PTCD1: variants seen among roughly 807,000 people sequenced by gnomAD.
PTCD1 encodes pentatricopeptide repeat-containing protein 1, mitochondrial.
Under a neutral mutation model 53.4 loss-of-function variants are expected in PTCD1, and 50 were observed. That is an observed-to-expected ratio of 0.94 (90% CI 0.75 to 1.19). The LOEUF (loss-of-function observed/expected upper bound fraction) is 1.19, where lower values mean the gene tolerates loss of function less well. Ranked by LOEUF, PTCD1 falls within the 50% of genes most tolerant of loss-of-function variation. PTCD1 has a pLI of 0.00. For synonymous variants in PTCD1, 413 were observed against 394.8 expected (o/e 1.05, Z -0.55); for missense variants, 918 against 904.8 (o/e 1.01, Z -0.19).
chr7:99,425,488 C>G lies in PTCD1; in HGVS notation c.1044G>C (p.Arg348Ser), dbSNP rs367645652. Residue 348 changes from arginine to serine, a missense_variant, in exon 6 of 8, where the codon AGG becomes AGC. Transcript: ENST00000292478. The stretch of plus-strand genomic sequence containing the variant: ...GGGGCTGAAGCACAGTCGCCTCCTC[C>G]CTGGGCTTCAGAAGCAGCTCTGAGG... The part of the protein sequence containing the change: ...QVASELLLKP[R>S]EEATVLQPPV... 6.8e-6 allele frequency: 11 copies of G among 1,612,776 alleles called. No individual in the cohort carries two copies. The East Asian group carries it at 2.5e-4, about 36-fold the overall frequency.
intron 6 of PTCD1, among the ~76,000 whole-genome samples, chr7:99,424,261 C>T (rs938112212): frequency 3.9e-5 from 6 of 152,178 alleles, no homozygotes; most frequent in East Asian, 3.9e-4. Flanking sequence ...CTGTGACGCA[C>T]GGTCACCAGG....
intron 5 of PTCD1, among the ~76,000 whole-genome samples, chr7:99,426,118 TCTCCCC>T (rs1416211554): frequency 6.8e-6 from 1 of 146,016 alleles, no homozygotes; most frequent in Non-Finnish European, 1.5e-5. Context: ...TCCCTCTCCC[TCTCCCC>T]CTCCCTCTCC....
Position 99,437,663 on chromosome 7 carries a change from T to C in PTCD1, c.-27+1029A>G, listed in dbSNP as rs115603125. On this transcript the variant is annotated intron_variant, in intron 1 of 7. Transcript: ENST00000292478. ...AGTGACAGCTTAAGATACCACCTTG[T>C]AGTTGCTGCACAAACTGGGTTTTTT... Among the ~76,000 whole-genome samples, 503 of 152,308 alleles carry C rather than the reference T, an allele frequency of 3.3e-3. 3 individuals are homozygous for C. The highest frequency in any genetic ancestry group is 9.7e-3 in the African/African-American group (405 of 41,576).
intron 5 of PTCD1, among the ~76,000 whole-genome samples, chr7:99,428,176 G>A (rs537970721): frequency 2.0e-5 from 3 of 151,880 alleles, no homozygotes; most frequent in South Asian, 2.1e-4. Context: ...GCAAGGCGCC[G>A]GATCACGAGG....
chr7:99,424,368 C>T lies in PTCD1; in HGVS notation c.1738-411G>A, dbSNP rs552109137. Among the ~76,000 whole-genome samples the T allele has an allele frequency of 4.6e-5, 7 of 152,308 alleles. 1 individual carries two copies. In the South Asian group the frequency reaches 6.2e-4, roughly 14 times the overall value. ...ATGATGGACCTGGGGACACCGACAA[C>T]CCAGGACGCAGCCTCTGCTGTGGTC... On this transcript the variant is annotated intron_variant, in intron 6 of 7. Transcript: ENST00000292478.
chr7:99,419,081 T>C lies in PTCD1; in HGVS notation c.*886A>G, dbSNP rs1795672594. ...CCACGTCTGCTCATCGCAGGGTCTG[T>C]CATGCTCACTTAGCAGAATAACGAG... On this transcript the variant is annotated 3_prime_UTR_variant, in exon 8 of 8. Transcript: ENST00000292478. 2.4e-6 allele frequency: 1 copy of C among 417,370 alleles called. No homozygotes were observed. Among genetic ancestry groups the C allele is most frequent in the Non-Finnish European group, 4.5e-6 (1 of 224,484 alleles). 25.9% of individuals were successfully genotyped at this position (417,370 alleles called of 1,614,324 possible).
intron 2 of PTCD1, 61 bp from the exon 3 acceptor site, chr7:99,433,479 G>A: frequency 6.2e-7 from 1 of 1,612,512 alleles, no homozygotes; most frequent in Non-Finnish European, 8.5e-7. Context: ...TCAGCAGAGA[G>A]AGGGAGGTTG....
rs755576199 is a variant in PTCD1, at chr7:99,420,016, T to C, written c.2054A>G (p.Gln685Arg). Reference protein sequence around the residue: ...QKFRTKPQGDQDTGKEADDGC... With the variant: ...QKFRTKPQGDRDTGKEADDGC... ...GTCATCAGCCTCCTTGCCGGTGTCCTGGTCCCCCTGGGGCTTGGTCCGGAA... is the reference window on the plus strand; with the variant it reads ...GTCATCAGCCTCCTTGCCGGTGTCCCGGTCCCCCTGGGGCTTGGTCCGGAA... Residue 685 changes from glutamine to arginine, a missense_variant, in exon 8 of 8, where the codon CAG (glutamine) becomes CGG (arginine). Transcript: ENST00000292478. 6.2e-7 allele frequency: 1 copy of C among 1,614,220 alleles called. No homozygotes were observed. The highest frequency in any genetic ancestry group is 2.2e-5 in the East Asian group (1 of 44,888).
At chr7:99,421,558 G>A (rs1460658616) in intron 7 of PTCD1, among the ~76,000 whole-genome samples, 1 of 148,818 alleles carries the variant, frequency 6.7e-6, no homozygotes, top group Non-Finnish European at 1.5e-5. Context: ...GCCTGGCCAA[G>A]ATGGTGAAAC....
In PTCD1 at chr7:99,423,766, G is replaced by A. The variant is rs776415032; in HGVS notation, c.1920+9C>T. ...GGAGCTGATGAGCTTTTGAGCTTGG[G>A]GCACACACCCGGTCAAAGGTGGGAG... On this transcript the variant is annotated intron_variant, in intron 7 of 7. Coordinates refer to ENST00000292478, the MANE Select transcript of PTCD1 (RefSeq NM_015545.4). 1 of 1,613,800 alleles carries A rather than the reference G, an allele frequency of 6.2e-7. No individual in the cohort carries two copies. Among genetic ancestry groups the A allele is most frequent in the Non-Finnish European group, 8.5e-7 (1 of 1,180,024 alleles).
chr7:99,431,499 TG>T (rs1288233834), intron 3 of PTCD1, among the ~76,000 whole-genome samples: 2 of 152,050 alleles, frequency 1.3e-5, no homozygotes, highest in African/African-American at 4.8e-5. Flanking sequence ...TCTAGCACTT[TG>T]GGAGGCCAAG....
rs79057064 is a variant in PTCD1 at position 99,434,748 on chromosome 7, G to C, written c.453+42C>G. 7 of 1,612,138 alleles carry C rather than the reference G, an allele frequency of 4.3e-6. No individual in the cohort carries two copies. The East Asian group carries it at 1.6e-4, about 36-fold the overall frequency. ...CCCTTGCAAAACACTGAGCCACCAG[G>C]GGAAAGAAGCCAGGAGCCACAGAAC... On this transcript the variant is annotated intron_variant, in intron 2 of 7. Coordinates refer to ENST00000292478, the MANE Select transcript of PTCD1 (RefSeq NM_015545.4).
At position 99,429,717 on chromosome 7, in the gene PTCD1, T is replaced by G. The variant is rs746509731; in HGVS notation, c.684A>C (p.Leu228=). The change falls in exon 4 of 8, where the codon CTA becomes CTC. Residue 228 remains leucine (L), a synonymous_variant. Coordinates refer to ENST00000292478, the MANE Select transcript of PTCD1 (RefSeq NM_015545.4). ...GCTGCCGGAGCTTCAGGGCGCTCTG[T>G]AGAGCTGAGTCCTTCCAGGGGGACT... ...CAESPWKDSA[L]QSALKLRQQL... 6.2e-7 allele frequency: 1 copy of G among 1,614,226 alleles called. No individual in the cohort carries two copies.
intron 7 of PTCD1, among the ~76,000 whole-genome samples, chr7:99,422,370 C>G (rs949852388): frequency 2.0e-5 from 3 of 152,166 alleles, no homozygotes; most frequent in African/African-American, 7.2e-5. Flanking sequence ...CTCGATGCTC[C>G]GGAGATGCTC....
At chr7:99,437,681 G>T (rs1193870167) in intron 1 of PTCD1, among the ~76,000 whole-genome samples, 1 of 151,914 alleles carries the variant, frequency 6.6e-6, no homozygotes, top group Non-Finnish European at 1.5e-5. Context: ...GCACAAACTG[G>T]GTTTTTTTGC....
chr7:99,433,530 C>T, intron 2 of PTCD1, 112 bp from the exon 3 acceptor site: 2 of 1,586,198 alleles, frequency 1.3e-6, no homozygotes, highest in South Asian at 2.2e-5. Context: ...AACGGCGGCC[C>T]TGGGTGACTG....
rs1398329371 is a variant in PTCD1 at position 99,425,349 on chromosome 7, C to G, written c.1183G>C (p.Ala395Pro). The change falls in exon 6 of 8, where the codon GCA (alanine) becomes CCA (proline). Residue 395 changes from alanine to proline, a missense_variant. Transcript: ENST00000292478. ...TCCGGAGGCTCTGGAGGCCCAAGTGCCTGAGAAGGTTCCAGAAACAGCTGC... is the reference window on the plus strand; with the variant it reads ...TCCGGAGGCTCTGGAGGCCCAAGTGGCTGAGAAGGTTCCAGAAACAGCTGC... ...ERQLFLEPSQ[A>P]LGPPEPPEAR... The G allele has an allele frequency of 6.2e-7, 1 of 1,614,096 alleles. No homozygotes were observed. Among genetic ancestry groups the G allele is most frequent in the Non-Finnish European group, 8.5e-7 (1 of 1,180,050 alleles).
chr7:99,424,097 A>T, intron 6 of PTCD1, 140 bp from the exon 7 acceptor site: 1 of 1,219,460 alleles, frequency 8.2e-7, no homozygotes, highest in Non-Finnish European at 1.2e-6. Context: ...AATGTGCTGA[A>T]TATCCCTCTC....
At position 99,419,585 on chromosome 7, in the gene PTCD1, A is replaced by T. The variant is rs1795705791; in HGVS notation, c.*382T>A. ...AAGGCTTCGCTGTCTATCAGCTGTG[A>T]TTTGTAAAAATAAAATCTTTAAATC... On this transcript the variant is annotated 3_prime_UTR_variant, in exon 8 of 8. Transcript: ENST00000292478. 2 of 929,708 alleles carry T rather than the reference A, an allele frequency of 2.2e-6. No individual in the cohort carries two copies. The highest frequency in any genetic ancestry group is 3.3e-6 in the Non-Finnish European group (2 of 615,182). 57.6% of individuals were successfully genotyped at this position (929,708 alleles called of 1,614,324 possible). A position where few individuals can be genotyped will look rare whatever the true frequency, so the allele number is the denominator to read the frequency against.
Sources: gnomAD v4.1 joint callset for allele counts (sites outside exome capture counted in the v4.1 genomes callset) on GRCh38, gnomAD v4.1.1 for gene constraint, MANE v1.5 for transcripts, NCBI Gene and HGNC (gene_info 2026-07-23, HGNC 2026-07-21) for gene names.